The following NPTN variants were observed in gnomAD, a reference collection of about 807,000 sequenced individuals.
The protein encoded by NPTN is neuroplastin, also known as SDR-1.
A neutral mutation model predicts 42.7 loss-of-function variants in NPTN; 5 were observed. The ratio of observed to expected loss-of-function variants is 0.12; its 90% CI spans 0.06 to 0.25. NPTN has a LOEUF of 0.25. Among genes scored for constraint, NPTN ranks in the 10% least tolerant of loss-of-function variants. The probability of loss-of-function intolerance (pLI) is 1.00; values close to 1 mark genes in which losing one functional copy is unlikely to be tolerated. For synonymous variants in NPTN, 180 were observed against 201.9 expected (o/e 0.89, Z 0.92); for missense variants, 307 against 525.4 (o/e 0.58, Z 4.06).
chr15:73,593,189 A>G (rs971586526), intron 2 of NPTN, among the ~76,000 whole-genome samples: 3 of 152,224 alleles, frequency 2.0e-5, no homozygotes, highest in Non-Finnish European at 2.9e-5. Flanking sequence ...AATGTTTAAA[A>G]TCACTCTATA....
Position 73,633,106 on chromosome 15 carries a change from C to A in NPTN, c.91+19G>T. ...CGCCCCTCAACCCCCGCCCGGCCCGCCCCCGGCGCCCCGCTTACCGTTCTG... is the reference window on the plus strand; with the variant it reads ...CGCCCCTCAACCCCCGCCCGGCCCGACCCCGGCGCCCCGCTTACCGTTCTG... On this transcript the variant is annotated intron_variant, in intron 1 of 8. Coordinates refer to ENST00000345330, the MANE Select transcript of NPTN (RefSeq NM_012428.4). 1 of 1,435,574 alleles carries A rather than the reference C, an allele frequency of 7.0e-7. No individual in the cohort carries two copies. Among genetic ancestry groups the A allele is most frequent in the Non-Finnish European group, 9.1e-7 (1 of 1,096,132 alleles). The allele number at this position is 1,435,574 out of a possible 1,614,324, so 88.9% of individuals were successfully genotyped here.
intron 7 of NPTN, among the ~76,000 whole-genome samples, chr15:73,562,506 C>T (rs1006778606): frequency 2.0e-4 from 30 of 152,294 alleles, no homozygotes; most frequent in African/African-American, 6.7e-4. Context: ...ACTGTCCCTT[C>T]TTGATAAAAG....
At chr15:73,562,100 A>G (rs1233200791) in intron 7 of NPTN, 130 bp from the exon 8 acceptor site, 6 of 676,020 alleles carry the variant, frequency 8.9e-6, no homozygotes, top group African/African-American at 1.9e-5. Context: ...GTGGCACAAT[A>G]TGAGTGCATA....
intron 1 of NPTN, 51 bp downstream of exon 1, chr15:73,633,074 G>T: frequency 7.8e-7 from 1 of 1,278,826 alleles, no homozygotes; most frequent in Non-Finnish European, 1.0e-6. Context: ...GCCCCCTCCG[G>T]CCCCGGCGCC....
At chr15:73,590,583 G>A (rs1462045551) in intron 3 of NPTN, among the ~76,000 whole-genome samples, 4 of 139,248 alleles carry the variant, frequency 2.9e-5, no homozygotes, top group African/African-American at 5.4e-5. Flanking sequence ...GCAACATGGC[G>A]AAACCCAGTC....
intron 1 of NPTN, among the ~76,000 whole-genome samples, chr15:73,604,852 G>A (rs1019551082): frequency 6.6e-6 from 1 of 152,148 alleles, no homozygotes. Context: ...AAGGCCAGGC[G>A]CAGTGGCTCA....
intron 6 of NPTN, chr15:73,568,942 C>T: frequency 1.0e-6 from 1 of 985,524 alleles, no homozygotes; most frequent in Non-Finnish European, 1.2e-6. Flanking sequence ...TCTAAAGCCA[C>T]TGGCATGCCT....
chr15:73,587,941 T>C (rs1041138319), intron 3 of NPTN, among the ~76,000 whole-genome samples: 1 of 152,116 alleles, frequency 6.6e-6, no homozygotes, highest in African/African-American at 2.4e-5. Flanking sequence ...TATTCAGATA[T>C]ACAATATAAA....
intron 6 of NPTN, chr15:73,567,002 CTTTTTTTT>C (rs10539085): frequency 1.2e-5 from 10 of 829,380 alleles, no homozygotes; most frequent in African/African-American, 2.1e-5. Context: ...AGACATGGGG[CTTTTTTTT>C]TTTTTTTTTT....
chr15:73,565,885 T>C (rs16958014), intron 6 of NPTN: 8,993 of 446,280 alleles, frequency 0.02, 193 homozygotes, highest in African/African-American at 0.074. Context: ...TGCTCTGCAA[T>C]GTCTAGTAAA....
chr15:73,586,475 C>T (rs1265805125), intron 4 of NPTN, among the ~76,000 whole-genome samples: 2 of 152,174 alleles, frequency 1.3e-5, no homozygotes, highest in African/African-American at 4.8e-5. Context: ...AGTGGCCATC[C>T]CTACATCAAC....
intron 6 of NPTN, chr15:73,568,799 TGTCA>T (rs1437116242): frequency 1.0e-6 from 1 of 985,482 alleles, no homozygotes; most frequent in Non-Finnish European, 1.2e-6. Flanking sequence ...CACCAGATAT[TGTCA>T]GTGTCATCAA....
intron 1 of NPTN, among the ~76,000 whole-genome samples, chr15:73,606,252 T>C (rs1034195306): frequency 2.6e-5 from 4 of 152,166 alleles, no homozygotes; most frequent in Non-Finnish European, 5.9e-5. Context: ...TCAGGGCCCA[T>C]TTTGACTTTG....
chr15:73,614,663 G>A (rs1897773655), intron 1 of NPTN, among the ~76,000 whole-genome samples: 1 of 152,032 alleles, frequency 6.6e-6, no homozygotes, highest in African/African-American at 2.4e-5. Flanking sequence ...TTAAAAGAAA[G>A]GTGAGGAATA....
At chr15:73,585,889 T>A (rs1896296477) in intron 4 of NPTN, among the ~76,000 whole-genome samples, 1 of 152,154 alleles carries the variant, frequency 6.6e-6, no homozygotes, top group African/African-American at 2.4e-5. Flanking sequence ...GCCTACAGCG[T>A]CCTATTCTCT....
chr15:73,592,084 G>A lies in NPTN; in HGVS notation c.493C>T (p.Pro165Ser). ...GTGAGGTTACACTGCAGGGTGACAG[G>A]GAGAACAGGGCTGTCTCGAATAATG... is the stretch of plus-strand genomic sequence containing the variant. ...EVIIRDSPVL[P>S]VTLQCNLTSS... The change falls in exon 3 of 9, where the codon CCT (proline) becomes TCT (serine). Residue 165 changes from proline to serine, a missense_variant. By Grantham distance (74) the Pro-to-Ser change is moderately conservative. Transcript: ENST00000345330. The A allele has an allele frequency of 6.2e-7, 1 of 1,614,008 alleles. No individual in the cohort carries two copies. Among genetic ancestry groups the A allele is most frequent in the South Asian group, 1.1e-5 (1 of 91,076 alleles).
chr15:73,567,200 G>A (rs920516928), intron 6 of NPTN: 4 of 984,902 alleles, frequency 4.1e-6, no homozygotes, highest in Non-Finnish European at 4.8e-6. Flanking sequence ...AGAACTCACA[G>A]ACTGCCCAAA....
In NPTN at chr15:73,597,794, A is replaced by G. The variant is rs2141410888; in HGVS notation, c.92-425T>C. Among the ~76,000 whole-genome samples, 1 of 152,334 alleles carries G rather than the reference A, an allele frequency of 6.6e-6. No individual in the cohort carries two copies. The highest frequency in any genetic ancestry group is 2.1e-4 in the South Asian group (1 of 4,826). ...TAACCAGAAGAGGCAGTAGTTTTATATGCCAAATCAGGATCTCTCTTTTGG... is the reference window on the plus strand; with the variant it reads ...TAACCAGAAGAGGCAGTAGTTTTATGTGCCAAATCAGGATCTCTCTTTTGG... On this transcript the variant is annotated intron_variant, in intron 1 of 8. Transcript: ENST00000345330. This position sits in a 1 kb window ranked among gnomAD's most constrained non-coding sequence, Gnocchi z 6.3.
chr15:73,600,092 C>T (rs1288422046), intron 1 of NPTN, among the ~76,000 whole-genome samples: 1 of 152,204 alleles, frequency 6.6e-6, no homozygotes, highest in East Asian at 1.9e-4. Flanking sequence ...AACAGTCTGA[C>T]TATGATTCCC....
Sources: gnomAD v4.1 joint callset for allele counts (sites outside exome capture counted in the v4.1 genomes callset) on GRCh38, gnomAD v4.1.1 for gene constraint, Gnocchi (gnomAD v3.1) non-coding constraint, MANE v1.5 for transcripts, NCBI Gene and HGNC (gene_info 2026-07-23, HGNC 2026-07-21) for gene names.